DLL4: variants seen among roughly 807,000 people sequenced by gnomAD.
The protein encoded by DLL4 is delta-like protein 4.
In DLL4, 7 loss-of-function variants were observed where a neutral mutation model predicts 73.6. That is an observed-to-expected ratio of 0.10 (90% CI 0.05 to 0.18). The LOEUF is 0.18. Ranked by LOEUF, DLL4 falls within the 10% of genes least tolerant of loss-of-function variation. DLL4 has a pLI of 1.00. For synonymous variants in DLL4, 345 were observed against 374.3 expected, an observed-to-expected ratio of 0.92 and a Z score of 0.90; for missense variants, 614 against 929.9, an observed-to-expected ratio of 0.66 and a Z score of 4.42.
At chr15:40,937,998 A>T in intron 10 of DLL4, 31 bp from the exon 11 acceptor site, 1 of 1,602,946 alleles carries the variant, frequency 6.2e-7, no homozygotes, top group South Asian at 1.1e-5. Flanking sequence ...GCCCAGGGTA[A>T]CCTGTTTCCC....
chr15:40,929,365 G>C lies in DLL4; in HGVS notation c.-304G>C, dbSNP rs1405689732. The C allele has an allele frequency of 2.4e-6, 1 of 413,212 alleles. No homozygotes were observed. The highest frequency in any genetic ancestry group is 4.3e-6 in the Non-Finnish European group (1 of 234,492). 25.6% of individuals were successfully genotyped at this position (413,212 alleles called of 1,614,324 possible). ...AGTAGCGGCGCTGCGCGCAGGCCGG[G>C]AACACGAGGCCAAGAGCCGCAGCCC... On this transcript the variant is annotated 5_prime_UTR_variant, in exon 1 of 11. Coordinates refer to ENST00000249749, the MANE Select transcript of DLL4 (RefSeq NM_019074.4). This position sits in a 1 kb window ranked among gnomAD's most constrained non-coding sequence, Gnocchi z 7.1.
Position 40,929,569 on chromosome 15 carries a change from C to G in DLL4, c.-100C>G. The stretch of plus-strand genomic sequence containing the variant: ...GAGCAGCGTCCCGAGAGGAGCGCCT[C>G]TTTTCAGGGACCCCGCCGGCTGGCG... On this transcript the variant is annotated 5_prime_UTR_variant, in exon 1 of 11. Transcript: ENST00000249749. The surrounding 1 kb of genome is among the most constrained non-coding windows in gnomAD (Gnocchi z 7.1). 3 of 1,194,978 alleles carry G rather than the reference C, an allele frequency of 2.5e-6. No individual in the cohort carries two copies. The highest frequency in any genetic ancestry group is 5.8e-5 in the Admixed American group (2 of 34,410). 74.0% of individuals were successfully genotyped at this position (1,194,978 alleles called of 1,614,324 possible).
chr15:40,933,341 T>C (rs1461524189), intron 6 of DLL4, among the ~76,000 whole-genome samples: 1 of 151,696 alleles, frequency 6.6e-6, no homozygotes, highest in African/African-American at 2.4e-5. Context: ...CTCACACACC[T>C]GGTTCCTGCT....
In DLL4 at chr15:40,936,942, C is replaced by A; in HGVS notation, c.1943+12C>A. 2 of 1,566,896 alleles carry A rather than the reference C, an allele frequency of 1.3e-6. No individual in the cohort carries two copies. ...CTGCGGTTACACAGGTGAGTGGCAC[C>A]CAGAAGCCCAGGGCCTGGCCACCGG... On this transcript the variant is annotated intron_variant, in intron 9 of 10. Coordinates refer to ENST00000249749, the MANE Select transcript of DLL4 (RefSeq NM_019074.4).
chr15:40,931,920 C>T (rs1319530109), intron 4 of DLL4, among the ~76,000 whole-genome samples, 154 bp downstream of exon 4: 1 of 152,196 alleles, frequency 6.6e-6, no homozygotes, highest in African/African-American at 2.4e-5. Context: ...TGACCTCAGA[C>T]CTCCTGTCTC....
In DLL4 at chr15:40,929,520, G is replaced by A; in HGVS notation, c.-149G>A. On this transcript the variant is annotated 5_prime_UTR_variant, in exon 1 of 11. Coordinates refer to ENST00000249749, the MANE Select transcript of DLL4 (RefSeq NM_019074.4). The surrounding 1 kb of genome is among the most constrained non-coding windows in gnomAD (Gnocchi z 7.1). Reference sequence around the variant, plus strand: ...GATTACCTACAGCGGCAGCTGCAGCGGAGCCAGCGAGAAGGCCAAAGGGGA... The same window carrying A: ...GATTACCTACAGCGGCAGCTGCAGCAGAGCCAGCGAGAAGGCCAAAGGGGA... The A allele has an allele frequency of 1.4e-6, 1 of 722,936 alleles. No individual in the cohort carries two copies. Among genetic ancestry groups the A allele is most frequent in the Admixed American group, 3.2e-5 (1 of 31,382 alleles). 44.8% of individuals were successfully genotyped at this position (722,936 alleles called of 1,614,324 possible).
At chr15:40,931,854 G>A in intron 4 of DLL4, 88 bp downstream of exon 4, 1 of 1,527,902 alleles carries the variant, frequency 6.5e-7, no homozygotes, top group Non-Finnish European at 8.9e-7. Context: ...TGCCTCCCTT[G>A]AAGAGTGGGT....
chr15:40,934,358 G>A (rs1293772760), intron 6 of DLL4, among the ~76,000 whole-genome samples, 190 bp from the exon 7 acceptor site: 1 of 150,200 alleles, frequency 6.7e-6, no homozygotes, highest in African/African-American at 2.5e-5. Flanking sequence ...GAAAGAGAAA[G>A]AGAGAGAAAG....
chr15:40,936,622 G>A lies in DLL4; in HGVS notation c.1635G>A (p.Leu545=). The A allele has an allele frequency of 6.2e-7, 1 of 1,610,998 alleles. No individual in the cohort carries two copies. Among genetic ancestry groups the A allele is most frequent in the Non-Finnish European group, 8.5e-7 (1 of 1,179,192 alleles). The part of the protein sequence containing the change: ...GVGLAVLLVL[L]GMVAVAVRQL... ...GGCTGGCAGTGCTGCTGGTACTGCT[G>A]GGCATGGTGGCAGTGGCTGTGCGGC... Residue 545 remains leucine, a synonymous_variant, in exon 9 of 11, where the codon CTG becomes CTA. Coordinates refer to ENST00000249749, the MANE Select transcript of DLL4 (RefSeq NM_019074.4).
chr15:40,935,974 A>T (rs1017934230), intron 8 of DLL4, among the ~76,000 whole-genome samples: 1 of 152,188 alleles, frequency 6.6e-6, no homozygotes, highest in African/African-American at 2.4e-5. Context: ...TGAGGTCCCA[A>T]CTCAAGCCTA....
Position 40,936,547 on chromosome 15 carries a change from C to T in DLL4, c.1560C>T (p.Pro520=), listed in dbSNP as rs760886659. ...TTGTGGGCAGCCGCTGCGAGTTCCC[C>T]GTGGGCTTGCCGCCCAGCTTCCCCT... is the stretch of plus-strand genomic sequence containing the variant. The part of the protein sequence containing the change: ...YGFVGSRCEF[P]VGLPPSFPWV... The change falls in exon 9 of 11, where the codon CCC becomes CCT. Residue 520 remains proline (P), a synonymous_variant. Coordinates refer to ENST00000249749, the MANE Select transcript of DLL4 (RefSeq NM_019074.4). 23 of 1,610,030 alleles carry T rather than the reference C, an allele frequency of 1.4e-5. No homozygotes were observed. Among genetic ancestry groups the T allele is most frequent in the East Asian group, 1.3e-4 (6 of 44,762 alleles).
rs371847465 is a variant in DLL4 at position 40,936,341 on chromosome 15, G to A, written c.1354G>A (p.Gly452Ser). 5.0e-6 allele frequency: 8 copies of A among 1,609,948 alleles called. No individual in the cohort carries two copies. Among genetic ancestry groups the A allele is most frequent in the South Asian group, 1.1e-5 (1 of 90,356 alleles). ...CTGTGCCCGTAACCCTTGCGCCCAC[G>A]GTGGCACTTGCCATGACCTGGAGAA... is the stretch of plus-strand genomic sequence containing the variant. ...SDCARNPCAH[G>S]GTCHDLENGL... Residue 452 changes from glycine (G) to serine (S), a missense_variant, in exon 9 of 11, where the codon GGT becomes AGT. By Grantham distance (56) the Gly-to-Ser change is moderately conservative (BLOSUM62 0). Around this residue, in one of 3 missense-constraint regions of DLL4, gnomAD observed 386 missense variants for 541.3 expected, o/e 0.71. Transcript: ENST00000249749.
At chr15:40,931,330 G>A (rs1375834458) in intron 3 of DLL4, 173 bp from the exon 4 acceptor site, 10 of 708,650 alleles carry the variant, frequency 1.4e-5, no homozygotes, top group East Asian at 1.1e-4. Context: ...GCTACGTAGC[G>A]GGGCTTTGGG....
In DLL4 at chr15:40,930,024, C is replaced by T. The variant is rs1485515713; in HGVS notation, c.244C>T (p.Pro82Ser). The part of the protein sequence containing the change: ...GPCTFGTVST[P>S]VLGTNSFAVR... ...CTGCACCTTCGGGACCGTCTCCACGCCGGTATTGGGCACCAACTCCTTCGC... is the reference window on the plus strand; with the variant it reads ...CTGCACCTTCGGGACCGTCTCCACGTCGGTATTGGGCACCAACTCCTTCGC... Residue 82 changes from proline (P) to serine (S), a missense_variant, in exon 2 of 11, where the codon CCG (proline) becomes TCG (serine). Physicochemically the swap from Pro to Ser is moderately conservative, Grantham distance 74 (BLOSUM62 -1). Coordinates refer to ENST00000249749, the MANE Select transcript of DLL4 (RefSeq NM_019074.4). This position sits in a 1 kb window ranked among gnomAD's most constrained non-coding sequence, Gnocchi z 5.7. 5 of 1,612,884 alleles carry T rather than the reference C, an allele frequency of 3.1e-6. No individual in the cohort carries two copies. Among genetic ancestry groups the T allele is most frequent in the Non-Finnish European group, 8.5e-7 (1 of 1,179,654 alleles).
rs765120462 is a variant in DLL4 at position 40,938,066 on chromosome 15, C to T, written c.*32C>T. The T allele has an allele frequency of 2.0e-6, 3 of 1,533,700 alleles. No individual in the cohort carries two copies. Among genetic ancestry groups the T allele is most frequent in the Non-Finnish European group, 2.6e-6 (3 of 1,143,132 alleles). On this transcript the variant is annotated 3_prime_UTR_variant, in exon 11 of 11. Coordinates refer to ENST00000249749, the MANE Select transcript of DLL4 (RefSeq NM_019074.4). ...AGCCTACCTGGACATCCCTGCTCAGCCCCGCGGCTGGACCTTCCTTCTGCA... is the reference window on the plus strand; with the variant it reads ...AGCCTACCTGGACATCCCTGCTCAGTCCCGCGGCTGGACCTTCCTTCTGCA...
rs565399921 is a variant in DLL4, at chr15:40,937,406, G to A, written c.1944-12G>A. The A allele has an allele frequency of 7.6e-6, 12 of 1,588,894 alleles. No homozygotes were observed. Among genetic ancestry groups the A allele is most frequent in the Non-Finnish European group, 9.5e-6 (11 of 1,157,226 alleles). On this transcript the variant is annotated splice_polypyrimidine_tract_variant and intron_variant, in intron 9 of 10. Transcript: ENST00000249749. ...CGTCCCTCCCTTACACGCCTGTCTT[G>A]TGTTCCCTCAGTGAAAAGCCAGAGT...
rs759626925 is a variant in DLL4, at chr15:40,930,706, C to CCTGG, written c.394+24_394+25insCTGG. The CCTGG allele has an allele frequency of 6.2e-7, 1 of 1,611,270 alleles. No individual in the cohort carries two copies. The highest frequency in any genetic ancestry group is 8.5e-7 in the Non-Finnish European group (1 of 1,177,826). ...AGGTGAGTAGCTCGCTCCGCCACCA[C>CCTGG]AGGGGGGCGACACGGCGCAGCGCCG... On this transcript the variant is annotated intron_variant, in intron 3 of 10. Coordinates refer to ENST00000249749, the MANE Select transcript of DLL4 (RefSeq NM_019074.4). The surrounding 1 kb of genome is among the most constrained non-coding windows in gnomAD (Gnocchi z 5.7).
chr15:40,936,260 A>G lies in DLL4; in HGVS notation c.1273A>G (p.Met425Val), dbSNP rs1408184788. ...GTGCCTGAACCGAGGTCCAAGCCGCATGTGCCGCTGCCGTCCTGGATTCAC... is the reference window on the plus strand; with the variant it reads ...GTGCCTGAACCGAGGTCCAAGCCGCGTGTGCCGCTGCCGTCCTGGATTCAC... ...GQCLNRGPSRMCRCRPGFTGT... is the reference protein window; with the variant it reads ...GQCLNRGPSRVCRCRPGFTGT... Residue 425 changes from methionine to valine, a missense_variant, in exon 9 of 11, where the codon ATG (methionine) becomes GTG (valine). Coordinates refer to ENST00000249749, the MANE Select transcript of DLL4 (RefSeq NM_019074.4). The G allele has an allele frequency of 2.5e-6, 4 of 1,606,096 alleles. No homozygotes were observed. Among genetic ancestry groups the G allele is most frequent in the South Asian group, 1.1e-5 (1 of 90,226 alleles).
rs1892747386 is a variant in DLL4, at chr15:40,930,301, C to G, written c.336+185C>G. 1 of 772,076 alleles carries G rather than the reference C, an allele frequency of 1.3e-6. No individual in the cohort carries two copies. The highest frequency in any genetic ancestry group is 2.0e-6 in the Non-Finnish European group (1 of 491,174). 47.8% of individuals were successfully genotyped at this position (772,076 alleles called of 1,614,324 possible). ...GATCCCAGAAAAGGCTCTCACCAGT[C>G]TCCGTCTTCCCAGTTTATGTCCTCC... is the stretch of plus-strand genomic sequence containing the variant. On this transcript the variant is annotated intron_variant, in intron 2 of 10. Transcript: ENST00000249749. The surrounding 1 kb of genome is among the most constrained non-coding windows in gnomAD (Gnocchi z 5.7).
Sources: allele counts gnomAD v4.1 joint callset (sites outside exome capture counted in the v4.1 genomes callset), GRCh38; gene constraint gnomAD v4.1.1; regional missense constraint gnomAD v4.1.1; non-coding constraint Gnocchi (gnomAD v3.1); transcripts MANE v1.5; gene names NCBI Gene and HGNC (gene_info 2026-07-23, HGNC 2026-07-21).